HERC2: variants seen among roughly 807,000 people sequenced by gnomAD.
HERC2 encodes E3 ubiquitin-protein ligase HERC2.
HERC2 carries 102 observed loss-of-function variants against 537.7 expected under a neutral mutation model. The ratio of observed to expected loss-of-function variants is 0.19; its 90% CI spans 0.16 to 0.22. The LOEUF (loss-of-function observed/expected upper bound fraction) is 0.22, where lower values mean the gene tolerates loss of function less well. Among genes scored for constraint, HERC2 ranks in the 10% least tolerant of loss-of-function variants. The probability of loss-of-function intolerance (pLI) is 1.00; values close to 1 mark genes in which losing one functional copy is unlikely to be tolerated. For missense variants in HERC2, 4,236 were observed against 6,198.2 expected (o/e 0.68, Z 10.63); for synonymous variants, 2,224 against 2,466.2 (o/e 0.90, Z 2.91).
intron 2 of HERC2, among the ~76,000 whole-genome samples, chr15:28,309,846 G>A (rs917960413): frequency 1.3e-5 from 2 of 152,176 alleles, no homozygotes; most frequent in African/African-American, 4.8e-5. Context: ...CAGAAACCAA[G>A]CCAGCATCCT....
chr15:28,322,152 C>A lies in HERC2; in HGVS notation c.-109G>T, dbSNP rs1404790733. The A allele has an allele frequency of 1.7e-5, 1 of 59,562 alleles. No individual in the cohort carries two copies. The highest frequency in any genetic ancestry group is 7.5e-5 in the African/African-American group (1 of 13,314). The allele number at this position is 59,562 out of a possible 1,614,324, so 3.7% of individuals were successfully genotyped here. Reference sequence around the variant, plus strand: ...CCAAGAGCCGCTGGCTCAGCCGGCGCCCGCGATCCCGGCGCCTCTCGCGGC... The same window carrying A: ...CCAAGAGCCGCTGGCTCAGCCGGCGACCGCGATCCCGGCGCCTCTCGCGGC... On this transcript the variant is annotated 5_prime_UTR_variant, in exon 1 of 93. Coordinates refer to ENST00000261609, the MANE Select transcript of HERC2 (RefSeq NM_004667.6).
In HERC2 at chr15:28,309,504, C is replaced by T. The variant is rs868519047; in HGVS notation, c.73-9988G>A. Among the ~76,000 whole-genome samples, 8 of 152,146 alleles carry T rather than the reference C, an allele frequency of 5.3e-5. 1 individual carries two copies. The highest frequency in any genetic ancestry group is 5.9e-5 in the Non-Finnish European group (4 of 68,030). On this transcript the variant is annotated intron_variant, in intron 2 of 92. Transcript: ENST00000261609. ...TATGCTCTTTTGTGATTTCCATTTA[C>T]CTCTCCCTTTTTCCATCCCCCCGCA...
chr15:28,290,851 T>A (rs560638205), intron 4 of HERC2, among the ~76,000 whole-genome samples: 48 of 152,314 alleles, frequency 3.2e-4, no homozygotes, highest in African/African-American at 1.1e-3. Flanking sequence ...TTTGAACACT[T>A]GTTAGAAAAG....
At position 28,169,503 on chromosome 15, in the gene HERC2, A is replaced by G. The variant is rs1174230760; in HGVS notation, c.10210T>C (p.Leu3404=). The G allele has an allele frequency of 6.3e-7, 1 of 1,599,100 alleles. No homozygotes were observed. The highest frequency in any genetic ancestry group is 8.5e-7 in the Non-Finnish European group (1 of 1,172,442). ...QQALSHILTA[L]QIMYARDAVV... Reference sequence around the variant, plus strand: ...GCCTACCTGGCATACATGATTTGCAATGCTGTAAGAATATGTGATAAGGCC... The same window carrying G: ...GCCTACCTGGCATACATGATTTGCAGTGCTGTAAGAATATGTGATAAGGCC... The change falls in exon 66 of 93, where the codon TTG becomes CTG. Residue 3404 remains leucine (L), a synonymous_variant. Coordinates refer to ENST00000261609, the MANE Select transcript of HERC2 (RefSeq NM_004667.6).
rs945111850 is a variant in HERC2 at position 28,233,005 on chromosome 15, A to C, written c.4675+141T>G. On this transcript the variant is annotated intron_variant, in intron 30 of 92. Transcript: ENST00000261609. ...AAGCGAGATTTCTGTATTTAATCGTAACTGTAATAAAAATGATGGCAGCAG... is the reference window on the plus strand; with the variant it reads ...AAGCGAGATTTCTGTATTTAATCGTCACTGTAATAAAAATGATGGCAGCAG... The C allele has an allele frequency of 5.3e-5, 35 of 660,740 alleles. 1 individual carries two copies. In the Middle Eastern group the frequency reaches 1.3e-3, roughly 24 times the overall value. 40.9% of individuals were successfully genotyped at this position (660,740 alleles called of 1,614,324 possible).
intron 79 of HERC2, among the ~76,000 whole-genome samples, chr15:28,133,181 T>C (rs1890282150): frequency 6.6e-6 from 1 of 152,138 alleles, no homozygotes; most frequent in African/African-American, 2.4e-5. Context: ...CTAAAATAGT[T>C]ACCATCTGGC....
At chr15:28,235,178 G>A (rs1339847662) in intron 26 of HERC2, among the ~76,000 whole-genome samples, 2 of 151,998 alleles carry the variant, frequency 1.3e-5, no homozygotes, top group African/African-American at 4.8e-5. Flanking sequence ...AGAGCACTCA[G>A]GAGCATTCCA....
chr15:28,257,269 G>A lies in HERC2; in HGVS notation c.2317-8C>T, dbSNP rs1437837684. On this transcript the variant is annotated splice_region_variant and splice_polypyrimidine_tract_variant and intron_variant, in intron 16 of 92. Transcript: ENST00000261609. ...TGATGACCAAGCAAAGCTCTAAGAG[G>A]AAACGCAACAATCTAAAATGAATCT... 3 of 1,611,992 alleles carry A rather than the reference G, an allele frequency of 1.9e-6. No individual in the cohort carries two copies. The highest frequency in any genetic ancestry group is 1.3e-5 in the African/African-American group (1 of 75,020).
intron 78 of HERC2, among the ~76,000 whole-genome samples, chr15:28,139,316 G>A (rs759907432): frequency 1.3e-5 from 2 of 152,198 alleles, no homozygotes; most frequent in Non-Finnish European, 2.9e-5. Flanking sequence ...TCTCTTGCTG[G>A]TGCTCCCTCC....
At chr15:28,301,913 C>T (rs183153494) in intron 2 of HERC2, among the ~76,000 whole-genome samples, 1 of 150,634 alleles carries the variant, frequency 6.6e-6, no homozygotes. Context: ...GTTTCTCCTG[C>T]CTCAGCCTCC....
intron 68 of HERC2, among the ~76,000 whole-genome samples, chr15:28,165,920 T>A (rs1894090440): frequency 6.6e-6 from 1 of 152,238 alleles, no homozygotes; most frequent in Admixed American, 6.5e-5. Context: ...TCTTGACCTC[T>A]AAATGCCCTT....
rs1036572740 is a variant in HERC2 at position 28,268,272 on chromosome 15, G to A, written c.1598+193C>T. 1.3e-5 allele frequency among the ~76,000 whole-genome samples: 2 copies of A among 152,100 alleles called. No individual in the cohort carries two copies. Among genetic ancestry groups the A allele is most frequent in the Non-Finnish European group, 2.9e-5 (2 of 68,010 alleles). ...AAGAAGAACAGAAAGGCCAATTCCC[G>A]TTGCCCTCCACACATGGGCAGAGCT... On this transcript the variant is annotated intron_variant, in intron 12 of 92. Coordinates refer to ENST00000261609, the MANE Select transcript of HERC2 (RefSeq NM_004667.6). The surrounding 1 kb of genome is among the most constrained non-coding windows in gnomAD (Gnocchi z 4.7).
chr15:28,272,110 C>A, intron 9 of HERC2, 105 bp downstream of exon 9: 1 of 1,051,034 alleles, frequency 9.5e-7, no homozygotes, highest in Non-Finnish European at 1.4e-6. Context: ...ACCAAACACA[C>A]ACACGCCAGA....
At chr15:28,266,192 G>A (rs553933586) in intron 12 of HERC2, among the ~76,000 whole-genome samples, 1 of 152,220 alleles carries the variant, frequency 6.6e-6, no homozygotes, top group East Asian at 1.9e-4. Context: ...ATGGTACCCA[G>A]TAGAAATATA....
chr15:28,248,051 G>A (rs1596318792), intron 21 of HERC2, among the ~76,000 whole-genome samples: 1 of 152,250 alleles, frequency 6.6e-6, no homozygotes. Flanking sequence ...ATTCTCACAG[G>A]CTGCCTCAGG....
chr15:28,262,824 G>A, intron 15 of HERC2, 94 bp downstream of exon 15: 1 of 1,297,144 alleles, frequency 7.7e-7, no homozygotes, highest in Non-Finnish European at 1.1e-6. Context: ...GCTAACTCAT[G>A]GAATGTCAGG....
chr15:28,207,214 C>A (rs1011435047), intron 44 of HERC2, among the ~76,000 whole-genome samples: 2 of 151,912 alleles, frequency 1.3e-5, no homozygotes, highest in African/African-American at 2.4e-5. Context: ...TGGCAAACTG[C>A]AACCTCTGCC....
At position 28,255,861 on chromosome 15, in the gene HERC2, C is replaced by T. The variant is rs760281939; in HGVS notation, c.2871+11G>A. The T allele has an allele frequency of 4.0e-5, 64 of 1,597,774 alleles. No individual in the cohort carries two copies. The highest frequency in any genetic ancestry group is 8.3e-5 in the Admixed American group (5 of 59,966). On this transcript the variant is annotated intron_variant, in intron 19 of 92. Coordinates refer to ENST00000261609, the MANE Select transcript of HERC2 (RefSeq NM_004667.6). ...TGCACCACCAGGTCACGTGTGCCTC[C>T]AAAGCCATACCTGGATCTCTGCAGT...
intron 45 of HERC2, among the ~76,000 whole-genome samples, chr15:28,204,425 G>T (rs186082927): frequency 6.6e-6 from 1 of 152,136 alleles, no homozygotes; most frequent in South Asian, 2.1e-4. Context: ...TTCGAGACCA[G>T]CCTGGCCAAC....
Sources: gnomAD v4.1 joint callset for allele counts (sites outside exome capture counted in the v4.1 genomes callset) on GRCh38, gnomAD v4.1.1 for gene constraint, Gnocchi (gnomAD v3.1) non-coding constraint, MANE v1.5 for transcripts, NCBI Gene and HGNC (gene_info 2026-07-23, HGNC 2026-07-21) for gene names.